The following STIP1 variants were observed in gnomAD, a reference collection of about 807,000 sequenced individuals.
STIP1 encodes stress induced phosphoprotein 1.
STIP1 carries 16 observed loss-of-function variants against 77.4 expected under a neutral mutation model. The observed-to-expected ratio is 0.21, with a 90% confidence interval of 0.14 to 0.31. The LOEUF (loss-of-function observed/expected upper bound fraction) is 0.31, where lower values mean the gene tolerates loss of function less well. Ranked by LOEUF, STIP1 falls within the 10% of genes least tolerant of loss-of-function variation. STIP1 has a pLI of 1.00. For synonymous variants in STIP1, 258 were observed against 246.6 expected, an observed-to-expected ratio of 1.05 and a Z score of -0.44; for missense variants, 524 against 684.8, an observed-to-expected ratio of 0.77 and a Z score of 2.62.
intron 11 of STIP1, 32 bp from the exon 12 acceptor site, chr11:64,203,093 G>T (rs768976328): frequency 6.2e-7 from 1 of 1,613,072 alleles, no homozygotes; most frequent in Non-Finnish European, 8.5e-7. Context: ...GGGCGCTGCG[G>T]TTGGATAACG....
chr11:64,197,021 C>G (rs955871549), intron 5 of STIP1: 3 of 488,122 alleles, frequency 6.1e-6, no homozygotes, highest in Non-Finnish European at 1.1e-5. Context: ...AAGAAGCGCT[C>G]TGCTTCCTGA....
intron 9 of STIP1, 37 bp from the exon 10 acceptor site, chr11:64,200,132 T>A (rs769256322): frequency 6.2e-7 from 1 of 1,610,830 alleles, no homozygotes; most frequent in Non-Finnish European, 8.5e-7. Flanking sequence ...GGGGGCTTTT[T>A]GCTTTTTAAA....
intron 1 of STIP1, among the ~76,000 whole-genome samples, chr11:64,186,875 G>C (rs115948035): frequency 0.011 from 1,718 of 152,270 alleles, 33 homozygotes; most frequent in African/African-American, 0.04. Flanking sequence ...TCTGAGGAGC[G>C]ACAGACCGAC....
chr11:64,202,727 A>T, intron 10 of STIP1, 149 bp from the exon 11 acceptor site: 1 of 799,948 alleles, frequency 1.3e-6, no homozygotes, highest in South Asian at 1.6e-5. Flanking sequence ...GTGTGGGATG[A>T]TCCATCATCT....
chr11:64,186,296 C>A (rs1326040562), intron 1 of STIP1, 26 bp downstream of exon 1: 1 of 1,536,902 alleles, frequency 6.5e-7, no homozygotes, highest in South Asian at 1.2e-5. Flanking sequence ...CGGGCTGAGG[C>A]CCCGAGCCTG....
Position 64,203,298 on chromosome 11 carries a change from C to A in STIP1, c.1386+70C>A, listed in dbSNP as rs573667289. ...CTGTTGGGGCTTTTCCATGTTCAGT[C>A]CCTGATTTCTTCCCTGTCACCTCCA... is the stretch of plus-strand genomic sequence containing the variant. On this transcript the variant is annotated intron_variant, in intron 12 of 13. Coordinates refer to ENST00000305218, the MANE Select transcript of STIP1 (RefSeq NM_006819.3). 92 of 1,591,596 alleles carry A rather than the reference C, an allele frequency of 5.8e-5. No homozygotes were observed. The African/African-American group carries it at 1.1e-3, about 19-fold the overall frequency.
intron 13 of STIP1, 190 bp downstream of exon 13, chr11:64,203,812 C>T: frequency 1.2e-6 from 1 of 813,980 alleles, no homozygotes. Flanking sequence ...CTTAAGCAGT[C>T]ATTTGGAAAG....
chr11:64,192,500 C>CTGT (rs1375687232), intron 1 of STIP1, among the ~76,000 whole-genome samples: 11 of 152,076 alleles, frequency 7.2e-5, no homozygotes, highest in African/African-American at 2.2e-4. Flanking sequence ...GAACATTTAT[C>CTGT]TATCCTGTGG....
rs774816964 is a variant in STIP1 at position 64,197,412 on chromosome 11, C to A, written c.799+15C>A. ...CAATCAAGCAGGTGAGGCCCAGAAA[C>A]AAGGGGCAAGGGAATTGTTGGGTGT... On this transcript the variant is annotated intron_variant, in intron 6 of 13. Coordinates refer to ENST00000305218, the MANE Select transcript of STIP1 (RefSeq NM_006819.3). 1 of 1,613,850 alleles carries A rather than the reference C, an allele frequency of 6.2e-7. No individual in the cohort carries two copies. The highest frequency in any genetic ancestry group is 2.2e-5 in the East Asian group (1 of 44,884).
Position 64,195,750 on chromosome 11 carries a change from C to T in STIP1, c.609C>T (p.Pro203=), listed in dbSNP as rs1179288427. Residue 203 remains proline, a synonymous_variant, in exon 5 of 14, where the codon CCC becomes CCT. Coordinates refer to ENST00000305218, the MANE Select transcript of STIP1 (RefSeq NM_006819.3). The part of the protein sequence containing the change: ...EEEIATPPPP[P]PPKKETKPEP... ...AGATTGCAACACCTCCACCACCACC[C>T]CCTCCCAAAAAGGAGACCAAGCCAG... is the stretch of plus-strand genomic sequence containing the variant. 2.8e-5 allele frequency: 46 copies of T among 1,614,094 alleles called. No homozygotes were observed. Among genetic ancestry groups the T allele is most frequent in the Non-Finnish European group, 3.9e-5 (46 of 1,180,008 alleles).
chr11:64,200,655 C>T (rs1946209539), intron 10 of STIP1, among the ~76,000 whole-genome samples: 1 of 151,042 alleles, frequency 6.6e-6, no homozygotes, highest in Non-Finnish European at 1.5e-5. Context: ...ATCTATCTAA[C>T]TGGTCCTGGT....
At chr11:64,198,044 A>G in intron 8 of STIP1, 70 bp downstream of exon 8, 11 of 1,514,450 alleles carry the variant, frequency 7.3e-6, no homozygotes, top group Non-Finnish European at 9.7e-6. Context: ...TTACTGTTTT[A>G]TTTAATAATG....
At chr11:64,190,705 G>A (rs1213696033) in intron 1 of STIP1, among the ~76,000 whole-genome samples, 7 of 152,176 alleles carry the variant, frequency 4.6e-5, no homozygotes, top group Non-Finnish European at 8.8e-5. Flanking sequence ...CTCACAGAAC[G>A]TTTACCTCTT....
intron 5 of STIP1, 62 bp from the exon 6 acceptor site, chr11:64,197,202 CAGATCAT>C: frequency 6.3e-7 from 1 of 1,594,238 alleles, no homozygotes; most frequent in Non-Finnish European, 8.5e-7. Flanking sequence ...GAACTTGTGA[CAGATCAT>C]AGATTCTTGC....
At chr11:64,188,080 C>A (rs1350529433) in intron 1 of STIP1, among the ~76,000 whole-genome samples, 1 of 144,980 alleles carries the variant, frequency 6.9e-6, no homozygotes, top group African/African-American at 2.6e-5. Context: ...GGCGCAGTGG[C>A]TCACGCTTAT....
intron 13 of STIP1, chr11:64,203,844 G>A: frequency 1.3e-6 from 1 of 763,958 alleles, no homozygotes; most frequent in Non-Finnish European, 2.1e-6. Flanking sequence ...TGGGAGAAAG[G>A]TCTTGACTGG....
At chr11:64,200,063 G>C in intron 9 of STIP1, 27 bp downstream of exon 9, 2 of 1,614,160 alleles carry the variant, frequency 1.2e-6, no homozygotes, top group South Asian at 2.2e-5. Flanking sequence ...GGGGATTGGG[G>C]GAGCAGTGCT....
chr11:64,202,820 T>C (rs1946234141), intron 10 of STIP1, 56 bp from the exon 11 acceptor site: 2 of 1,608,922 alleles, frequency 1.2e-6, no homozygotes, highest in South Asian at 1.1e-5. Context: ...TTGAGTTGCC[T>C]GTACTGAGCT....
chr11:64,197,988 G>A lies in STIP1; in HGVS notation c.1023+14G>A, dbSNP rs202052425. On this transcript the variant is annotated intron_variant, in intron 8 of 13. Coordinates refer to ENST00000305218, the MANE Select transcript of STIP1 (RefSeq NM_006819.3). ...AAATGCCAGCAGGTGCGTAGGAAAA[G>A]AATAGGGGTATTTTCTTGTTTTCCT... is the stretch of plus-strand genomic sequence containing the variant. 1.2e-6 allele frequency: 2 copies of A among 1,601,252 alleles called. No homozygotes were observed. Among genetic ancestry groups the A allele is most frequent in the Non-Finnish European group, 1.7e-6 (2 of 1,174,788 alleles).
Sources: gnomAD v4.1 joint callset for allele counts (sites outside exome capture counted in the v4.1 genomes callset) on GRCh38, gnomAD v4.1.1 for gene constraint, MANE v1.5 for transcripts, NCBI Gene and HGNC (gene_info 2026-07-23, HGNC 2026-07-21) for gene names.